Variants in IFT122 observed in about 807,000 individuals in gnomAD.
IFT122 encodes the protein intraflagellar transport 122.
In IFT122, 118 loss-of-function variants were observed where a neutral mutation model predicts 161.6. That is an observed-to-expected ratio of 0.73 (90% CI 0.63 to 0.85). The LOEUF is 0.85. IFT122 is among the 40% of genes least tolerant of loss of function. IFT122 has a pLI of 0.00. For missense variants in IFT122, 1,381 were observed against 1,579.6 expected, an observed-to-expected ratio of 0.87 and a Z score of 2.13; for synonymous variants, 550 against 602.4, an observed-to-expected ratio of 0.91 and a Z score of 1.27.
chr3:129,495,651 C>T, intron 18 of IFT122, 44 bp downstream of exon 18: 3 of 1,608,072 alleles, frequency 1.9e-6, no homozygotes, highest in Non-Finnish European at 2.6e-6. Flanking sequence ...TTGGAGCCCA[C>T]TGGTATTCTC....
chr3:129,505,042 G>T (rs1002948143), intron 21 of IFT122, among the ~76,000 whole-genome samples: 2 of 152,236 alleles, frequency 1.3e-5, no homozygotes, highest in Admixed American at 6.5e-5. Flanking sequence ...GTTAAAGCAA[G>T]TATAGAACTT....
At chr3:129,470,850 A>G (rs1352603387) in intron 9 of IFT122, among the ~76,000 whole-genome samples, 4 of 152,162 alleles carry the variant, frequency 2.6e-5, no homozygotes, top group Non-Finnish European at 5.9e-5. Flanking sequence ...GATTACAGGC[A>G]TGAGCTGCCA....
At chr3:129,494,573 A>G (rs1414329281) in intron 17 of IFT122, among the ~76,000 whole-genome samples, 2 of 152,190 alleles carry the variant, frequency 1.3e-5, no homozygotes, top group Non-Finnish European at 2.9e-5. Context: ...AAGCAAAAGG[A>G]AACTGCTAGG....
At chr3:129,479,947 T>A (rs756292063) in intron 13 of IFT122, 25 bp downstream of exon 13, 1 of 1,613,272 alleles carries the variant, frequency 6.2e-7, no homozygotes, top group Non-Finnish European at 8.5e-7. Context: ...ACGTCTCCTG[T>A]CAGGCTGATA....
At chr3:129,493,610 C>T (rs997440020) in intron 17 of IFT122, among the ~76,000 whole-genome samples, 3 of 152,216 alleles carry the variant, frequency 2.0e-5, no homozygotes, top group South Asian at 2.1e-4. Context: ...CATGCTCTCT[C>T]GGCCACATAC....
chr3:129,466,221 A>G (rs1470774583), intron 7 of IFT122, among the ~76,000 whole-genome samples: 2 of 152,202 alleles, frequency 1.3e-5, no homozygotes, highest in African/African-American at 4.8e-5. Flanking sequence ...GTCATTTTAC[A>G]GATGGTTGCC....
At chr3:129,498,268 G>C (rs2081124471) in intron 18 of IFT122, among the ~76,000 whole-genome samples, 1 of 152,170 alleles carries the variant, frequency 6.6e-6, no homozygotes. Flanking sequence ...GTCACCCCTG[G>C]TCCCCTGAGC....
rs556670159 is a variant in IFT122, at chr3:129,440,452, G to C, written c.41+81G>C. 216 of 1,503,710 alleles carry C rather than the reference G, an allele frequency of 1.4e-4. 5 individuals carry two copies. In the South Asian group the frequency reaches 1.5e-3, roughly 11 times the overall value. 93.1% of individuals were successfully genotyped at this position (1,503,710 alleles called of 1,614,324 possible). ...GCGAGCCGCTGCAGCGTGTTTGAGG[G>C]GGGCAGCGGGCTTGCTGCCTGGGCC... On this transcript the variant is annotated intron_variant, in intron 1 of 29. Transcript: ENST00000348417.
chr3:129,463,980 A>C (rs2076446541), intron 6 of IFT122, among the ~76,000 whole-genome samples: 1 of 152,250 alleles, frequency 6.6e-6, no homozygotes, highest in Non-Finnish European at 1.5e-5. Flanking sequence ...ATTAGAATCC[A>C]GAATCTCTCA....
In IFT122 at chr3:129,514,426, C is replaced by A. The variant is rs749396783; in HGVS notation, c.3025C>A (p.Leu1009Ile). The A allele has an allele frequency of 5.5e-5, 89 of 1,614,092 alleles. No homozygotes were observed. Among genetic ancestry groups the A allele is most frequent in the Non-Finnish European group, 7.2e-5 (85 of 1,180,038 alleles). ...LFTLAKQSKA[L>I]GAYRLARHAY... The stretch of plus-strand genomic sequence containing the variant: ...CACCTTGGCCAAGCAGAGCAAGGCC[C>A]TCGGTGCCTACAGGCTGGCCCGGCA... The change falls in exon 25 of 30, where the codon CTC becomes ATC. Residue 1009 changes from leucine to isoleucine, a missense_variant. By Grantham distance (5) the Leu-to-Ile change is conservative. Coordinates refer to ENST00000348417, the MANE Select transcript of IFT122 (RefSeq NM_052989.3).
intron 3 of IFT122, among the ~76,000 whole-genome samples, chr3:129,455,748 T>G (rs1305512479): frequency 6.6e-6 from 1 of 152,014 alleles, no homozygotes; most frequent in Non-Finnish European, 1.5e-5. Context: ...GTTAACACAT[T>G]TTTAATATTA....
Position 129,466,880 on chromosome 3 carries a change from C to G in IFT122, c.564-10C>G, listed in dbSNP as rs1352807157. 2 of 1,612,872 alleles carry G rather than the reference C, an allele frequency of 1.2e-6. No homozygotes were observed. The highest frequency in any genetic ancestry group is 1.7e-6 in the Non-Finnish European group (2 of 1,178,910). ...CAATGTAATTTTGAACAACTACTTA[C>G]TGTCTACAGCCGATGGGAGAGTTTC... On this transcript the variant is annotated splice_polypyrimidine_tract_variant and intron_variant, in intron 7 of 29. Coordinates refer to ENST00000348417, the MANE Select transcript of IFT122 (RefSeq NM_052989.3).
chr3:129,502,783 G>T lies in IFT122; in HGVS notation c.2448G>T (p.Lys816Asn), dbSNP rs1267648370. ...TGCTGCTGTGCGCTACCTACCTCAA[G>T]AAGCTGGACAGCCCTGGCTATGCTG... ...EPLLLCATYL[K>N]KLDSPGYAAE... The change falls in exon 20 of 30, where the codon AAG becomes AAT. Residue 816 changes from lysine (K) to asparagine (N), a missense_variant. By Grantham distance (94) the Lys-to-Asn change is moderately conservative. Around this residue, in one of 7 missense-constraint regions of IFT122, gnomAD observed 496 missense variants for 502.5 expected, o/e 0.99. Transcript: ENST00000348417. The T allele has an allele frequency of 3.7e-6, 6 of 1,612,942 alleles. No homozygotes were observed. The highest frequency in any genetic ancestry group is 5.1e-6 in the Non-Finnish European group (6 of 1,180,046).
At position 129,441,384 on chromosome 3, in the gene IFT122, C is replaced by A. The variant is rs1006165569; in HGVS notation, c.41+1013C>A. ...CTTTTGTGTTCGGCACTAGTGGTAGCTGACACTATGTGCCAGGTGCTGGCT... is the reference window on the plus strand; with the variant it reads ...CTTTTGTGTTCGGCACTAGTGGTAGATGACACTATGTGCCAGGTGCTGGCT... On this transcript the variant is annotated intron_variant, in intron 1 of 29. Transcript: ENST00000348417. Among the ~76,000 whole-genome samples the A allele has an allele frequency of 2.6e-5, 4 of 152,174 alleles. No individual in the cohort carries two copies. The East Asian group carries it at 7.7e-4, about 29-fold the overall frequency.
intron 13 of IFT122, among the ~76,000 whole-genome samples, 193 bp downstream of exon 13, chr3:129,480,115 T>C (rs2078462914): frequency 1.3e-5 from 2 of 152,224 alleles, no homozygotes; most frequent in Admixed American, 1.3e-4. Context: ...GCCCTCACAC[T>C]CCTAGCAGGC....
chr3:129,463,768 C>T (rs1420271180), intron 6 of IFT122, 142 bp downstream of exon 6: 11 of 690,162 alleles, frequency 1.6e-5, no homozygotes, highest in Non-Finnish European at 2.1e-5. Flanking sequence ...CTTCTTTCTT[C>T]GTCTCCTCGA....
intron 1 of IFT122, among the ~76,000 whole-genome samples, chr3:129,441,582 A>C (rs545597439): frequency 6.6e-6 from 1 of 152,274 alleles, no homozygotes; most frequent in African/African-American, 2.4e-5. Flanking sequence ...CCTCACTCCA[A>C]CGTCAACGCT....
At chr3:129,516,128 C>G (rs998214309) in intron 26 of IFT122, among the ~76,000 whole-genome samples, 5 of 149,742 alleles carry the variant, frequency 3.3e-5, no homozygotes, top group Admixed American at 1.3e-4. Flanking sequence ...CCCCTGCACA[C>G]ACAGAGACTG....
intron 9 of IFT122, among the ~76,000 whole-genome samples, chr3:129,473,238 T>A (rs1355265708): frequency 1.3e-5 from 2 of 152,226 alleles, no homozygotes; most frequent in Non-Finnish European, 2.9e-5. Flanking sequence ...AGTTCAAGGC[T>A]GCAGTGAACT....
Sources: gnomAD v4.1 joint callset for allele counts (sites outside exome capture counted in the v4.1 genomes callset) on GRCh38, gnomAD v4.1.1 for gene constraint, gnomAD v4.1.1 regional missense constraint, MANE v1.5 for transcripts, NCBI Gene and HGNC (gene_info 2026-07-23, HGNC 2026-07-21) for gene names.